Variants in CCDC92B observed in about 807,000 individuals in gnomAD.
CCDC92B encodes coiled-coil domain containing 92B.
CCDC92B carries 2 observed loss-of-function variants against 5.6 expected under a neutral mutation model. That is an observed-to-expected ratio of 0.36 (90% CI 0.15 to 1.12). The LOEUF is 1.12. CCDC92B is among the 50% of genes most tolerant of loss of function. The pLI, the probability that CCDC92B is intolerant of heterozygous loss-of-function variation, is 0.40. For synonymous variants in CCDC92B, 115 were observed against 122.3 expected (o/e 0.94, Z 0.39); for missense variants, 271 against 262.2 (o/e 1.03, Z -0.23).
At chr17:2,727,702 T>C (rs1009683382) in intron 3 of CCDC92B, among the ~76,000 whole-genome samples, 13 of 151,974 alleles carry the variant, frequency 8.6e-5, no homozygotes, top group South Asian at 2.1e-4. Flanking sequence ...TGTGCGCCTG[T>C]GATCCCAGCT....
intron 2 of CCDC92B, among the ~76,000 whole-genome samples, chr17:2,732,375 C>T (rs1473997733): frequency 6.6e-6 from 1 of 152,162 alleles, no homozygotes; most frequent in Non-Finnish European, 1.5e-5. Flanking sequence ...TCATTTCAGC[C>T]CCAAGAGTGG....
chr17:2,726,190 T>A (rs1217555687), intron 3 of CCDC92B, among the ~76,000 whole-genome samples: 16 of 149,756 alleles, frequency 1.1e-4, no homozygotes, highest in Non-Finnish European at 1.5e-4. Flanking sequence ...ATATTTTTTT[T>A]TTTTTGAGAT....
Position 2,724,287 on chromosome 17 carries a change from G to C in CCDC92B, c.*124C>G. ...CGGGGATTTGGGGGGAGCCGGGGCC[G>C]CCTCGCCCCGCTTCCTGGAGGAGGG... is the stretch of plus-strand genomic sequence containing the variant. On this transcript the variant is annotated 3_prime_UTR_variant, in exon 4 of 4. Transcript: ENST00000614400. This position sits in a 1 kb window ranked among gnomAD's most constrained non-coding sequence, Gnocchi z 5.0. 2 of 984,714 alleles carry C rather than the reference G, an allele frequency of 2.0e-6. No homozygotes were observed. The highest frequency in any genetic ancestry group is 2.4e-6 in the Non-Finnish European group (2 of 829,762). 61.0% of individuals were successfully genotyped at this position (984,714 alleles called of 1,614,324 possible).
At chr17:2,738,902 C>A (rs958689729) in intron 1 of CCDC92B, among the ~76,000 whole-genome samples, 2 of 151,388 alleles carry the variant, frequency 1.3e-5, no homozygotes, top group Non-Finnish European at 2.9e-5. Context: ...GAAACCCTGT[C>A]TGTACTAAAA....
chr17:2,733,005 C>G (rs1008702274), intron 2 of CCDC92B, among the ~76,000 whole-genome samples: 1 of 149,320 alleles, frequency 6.7e-6, no homozygotes, highest in Admixed American at 6.8e-5. Flanking sequence ...AGAGCAAGAC[C>G]CTGTCTCAAA....
chr17:2,729,098 C>A (rs2070767811), intron 3 of CCDC92B, among the ~76,000 whole-genome samples: 1 of 152,048 alleles, frequency 6.6e-6, no homozygotes, highest in South Asian at 2.1e-4. Flanking sequence ...TCTTGAACTC[C>A]TGGGCTCAAG....
chr17:2,747,786 G>A (rs2071004327), intron 1 of CCDC92B, among the ~76,000 whole-genome samples: 1 of 152,168 alleles, frequency 6.6e-6, no homozygotes, highest in African/African-American at 2.4e-5. Flanking sequence ...TTCATGGCCT[G>A]ACTCAGAGGC....
chr17:2,734,157 G>A (rs192512667), intron 2 of CCDC92B, among the ~76,000 whole-genome samples: 2 of 152,144 alleles, frequency 1.3e-5, no homozygotes, highest in Admixed American at 6.6e-5. Flanking sequence ...GACCTTTGCC[G>A]TGCTGTTCCC....
At chr17:2,742,000 A>G (rs1410944218) in intron 1 of CCDC92B, among the ~76,000 whole-genome samples, 4 of 151,608 alleles carry the variant, frequency 2.6e-5, no homozygotes, top group Non-Finnish European at 5.9e-5. Flanking sequence ...AAAAAAAAAA[A>G]GAACATTTAA....
rs1187249733 is a variant in CCDC92B, at chr17:2,749,565, C to G, written c.-178G>C. On this transcript the variant is annotated 5_prime_UTR_variant, in exon 1 of 4. Transcript: ENST00000614400. ...AGCTGCTGGGAGGCTGCGGGGCAGT[C>G]GGGCCGGGGCTCCGGGGGGCTCGGG... 2 of 142,220 alleles carry G rather than the reference C, an allele frequency of 1.4e-5. No individual in the cohort carries two copies. The highest frequency in any genetic ancestry group is 3.1e-5 in the Non-Finnish European group (2 of 65,326). The allele number at this position is 142,220 out of a possible 1,614,324, so 8.8% of individuals were successfully genotyped here. A position where few individuals can be genotyped will look rare whatever the true frequency, so the allele number is the denominator to read the frequency against.
chr17:2,741,431 CTT>C (rs1222519402), intron 1 of CCDC92B, among the ~76,000 whole-genome samples: 1 of 151,890 alleles, frequency 6.6e-6, no homozygotes, highest in Non-Finnish European at 1.5e-5. Flanking sequence ...AATCCCAGCA[CTT>C]TGGAAGGCCA....
intron 1 of CCDC92B, among the ~76,000 whole-genome samples, chr17:2,746,084 C>T (rs1012999024): frequency 6.6e-6 from 1 of 151,976 alleles, no homozygotes; most frequent in Non-Finnish European, 1.5e-5. Flanking sequence ...CCGATTCAAG[C>T]GATTCTCCTG....
Position 2,724,978 on chromosome 17 carries a change from C to G in CCDC92B, c.201G>C (p.Glu67Asp). ...GCGACTCCAGCGCGCGGCACTTGCT[C>G]TCCAGCTCCCGGGACGCCGCCTCTG... The part of the protein sequence containing the change: ...HQQEAASREL[E>D]SKCRALESQL... The change falls in exon 4 of 4, where the codon GAG (glutamate) becomes GAC (aspartate). Residue 67 changes from glutamate to aspartate, a missense_variant. Transcript: ENST00000614400. This position sits in a 1 kb window ranked among gnomAD's most constrained non-coding sequence, Gnocchi z 5.0. The G allele has an allele frequency of 4.1e-6, 4 of 985,506 alleles. No individual in the cohort carries two copies. Among genetic ancestry groups the G allele is most frequent in the Non-Finnish European group, 4.8e-6 (4 of 829,986 alleles). The allele number at this position is 985,506 out of a possible 1,614,324, so 61.0% of individuals were successfully genotyped here.
rs955398864 is a variant in CCDC92B at position 2,721,651 on chromosome 17, C to G, written c.*2760G>C. ...GGGGTTTCCATTATTTCCAGGAGGGCGAGGAGGGGAATTTCTGTGAAAACT... is the reference window on the plus strand; with the variant it reads ...GGGGTTTCCATTATTTCCAGGAGGGGGAGGAGGGGAATTTCTGTGAAAACT... On this transcript the variant is annotated 3_prime_UTR_variant, in exon 4 of 4. Transcript: ENST00000614400. 1 of 152,108 alleles carries G rather than the reference C, an allele frequency of 6.6e-6. No homozygotes were observed. Among genetic ancestry groups the G allele is most frequent in the East Asian group, 1.9e-4 (1 of 5,184 alleles). The allele number at this position is 152,108 out of a possible 1,614,324, so 9.4% of individuals were successfully genotyped here.
At chr17:2,728,384 G>A (rs2070757138) in intron 3 of CCDC92B, among the ~76,000 whole-genome samples, 3 of 151,834 alleles carry the variant, frequency 2.0e-5, no homozygotes, top group South Asian at 2.1e-4. Flanking sequence ...GAGGTGGGTG[G>A]ATCACGAGGT....
rs2071031412 is a variant in CCDC92B at position 2,749,600 on chromosome 17, G to A, written c.-213C>T. 1 of 150,452 alleles carries A rather than the reference G, an allele frequency of 6.6e-6. No homozygotes were observed. Among genetic ancestry groups the A allele is most frequent in the African/African-American group, 2.4e-5 (1 of 41,002 alleles). The allele number at this position is 150,452 out of a possible 1,614,324, so 9.3% of individuals were successfully genotyped here. On this transcript the variant is annotated 5_prime_UTR_variant, in exon 1 of 4. Coordinates refer to ENST00000614400, the MANE Select transcript of CCDC92B (RefSeq NM_001355573.2). Reference sequence around the variant, plus strand: ...CTCCGGGGGGCTCGGGGGCGCCGAAGGGGGGTCGGGGGCGGGCTCGAGGCG... The same window carrying A: ...CTCCGGGGGGCTCGGGGGCGCCGAAAGGGGGTCGGGGGCGGGCTCGAGGCG...
At chr17:2,728,623 A>G (rs949644532) in intron 3 of CCDC92B, among the ~76,000 whole-genome samples, 6 of 152,230 alleles carry the variant, frequency 3.9e-5, no homozygotes, top group African/African-American at 1.4e-4. Flanking sequence ...AACAAAAAAA[A>G]CAAAAAGATG....
chr17:2,727,190 G>C (rs933677158), intron 3 of CCDC92B, among the ~76,000 whole-genome samples: 6 of 152,188 alleles, frequency 3.9e-5, no homozygotes, highest in African/African-American at 1.4e-4. Context: ...CCACATGTTT[G>C]TCATTTTTTG....
At chr17:2,737,461 CTTTCTTTTTTTTTTTTTTT>C (rs1343922616) in intron 1 of CCDC92B, among the ~76,000 whole-genome samples, 1 of 142,408 alleles carries the variant, frequency 7.0e-6, no homozygotes, top group Admixed American at 7.3e-5. Flanking sequence ...CCAAATAGGC[CTTTCTTTTTTTTTTTTTTT>C]TTTTTTTTTT....
Sources: allele counts gnomAD v4.1 joint callset (sites outside exome capture counted in the v4.1 genomes callset), GRCh38; gene constraint gnomAD v4.1.1; non-coding constraint Gnocchi (gnomAD v3.1); transcripts MANE v1.5; gene names NCBI Gene and HGNC (gene_info 2026-07-23, HGNC 2026-07-21).